The following FAM83H variants were observed in gnomAD, a reference collection of about 807,000 sequenced individuals.
FAM83H encodes the protein protein FAM83H.
FAM83H carries 24 observed loss-of-function variants against 30.2 expected under a neutral mutation model. That is an observed-to-expected ratio of 0.79 (90% CI 0.57 to 1.12). The LOEUF is 1.12. Ranked by LOEUF, FAM83H falls within the 50% of genes most tolerant of loss-of-function variation. FAM83H has a pLI of 0.00. For missense variants in FAM83H, 2,038 were observed against 1,773.9 expected, an observed-to-expected ratio of 1.15 and a Z score of -2.67; for synonymous variants, 1,013 against 821.7, an observed-to-expected ratio of 1.23 and a Z score of -3.98.
At position 143,726,547 on chromosome 8, in the gene FAM83H, G is replaced by T; in HGVS notation, c.2914C>A (p.Leu972Met). 1.2e-6 allele frequency: 2 copies of T among 1,604,114 alleles called. No individual in the cohort carries two copies. Among genetic ancestry groups the T allele is most frequent in the East Asian group, 2.2e-5 (1 of 44,844 alleles). ...LRKGSLRLRQ[L>M]LSPKGERRME... is the part of the protein sequence containing the mutation. ...CGCCGCTCGCCCTTGGGGCTCAGCA[G>T]CTGCCTAAGACGCAAGGAGCCTTTG... Residue 972 changes from leucine (L) to methionine (M), a missense_variant, in exon 5 of 5, where the codon CTG becomes ATG. Physicochemically the swap from Leu to Met is conservative, Grantham distance 15. Transcript: ENST00000388913.
chr8:143,725,156 C>CGGGGGGGGGGGGGGGGGGGGGAG lies in FAM83H; in HGVS notation c.*764_*765insCTCCCCCCCCCCCCCCCCCCCCC, dbSNP rs549881150. 5 of 37,566 alleles carry CGGGGGGGGGGGGGGGGGGGGGAG rather than the reference C, an allele frequency of 1.3e-4. No homozygotes were observed. The highest frequency in any genetic ancestry group is 2.4e-4 in the Admixed American group (1 of 4,224). 2.3% of individuals were successfully genotyped at this position (37,566 alleles called of 1,614,324 possible). On this transcript the variant is annotated 3_prime_UTR_variant, in exon 5 of 5. Transcript: ENST00000388913. Reference sequence around the variant, plus strand: ...AAGCCCAGGCGGGGGAGGGGGGAGACGGGGGGGGGGGGGGGGGAGGGAAGG... The same window carrying CGGGGGGGGGGGGGGGGGGGGGAG: ...AAGCCCAGGCGGGGGAGGGGGGAGACGGGGGGGGGGGGGGGGGGGGGAGGGGGGGGGGGGGGGGGGAGGGAAGG...
In FAM83H at chr8:143,726,119, C is replaced by A; in HGVS notation, c.3342G>T (p.Glu1114Asp). The A allele has an allele frequency of 1.2e-6, 2 of 1,611,494 alleles. No homozygotes were observed. The change falls in exon 5 of 5, where the codon GAG becomes GAT. Residue 1114 changes from glutamate (E) to aspartate (D), a missense_variant. Coordinates refer to ENST00000388913, the MANE Select transcript of FAM83H (RefSeq NM_198488.5). ...TGCGGCGCAGCAGCCGATCGCGCTCCTCCGCGCTGGCTGGCAGCGTGCGGC... is the reference window on the plus strand; with the variant it reads ...TGCGGCGCAGCAGCCGATCGCGCTCATCCGCGCTGGCTGGCAGCGTGCGGC... ...RLSRTLPASAEERDRLLRRME... is the reference protein window; with the variant it reads ...RLSRTLPASADERDRLLRRME...
At chr8:143,729,990 C>A in intron 2 of FAM83H, 146 bp downstream of exon 2, 1 of 729,112 alleles carries the variant, frequency 1.4e-6, no homozygotes, top group Non-Finnish European at 2.2e-6. Context: ...CGAGACCTGG[C>A]AGCCCTGAAG....
In FAM83H at chr8:143,728,637, C is replaced by T; in HGVS notation, c.824G>A (p.Arg275His). Residue 275 changes from arginine (R) to histidine (H), a missense_variant, in exon 5 of 5, where the codon CGC becomes CAC. Arg to His is a conservative substitution (Grantham distance 29, BLOSUM62 0). Coordinates refer to ENST00000388913, the MANE Select transcript of FAM83H (RefSeq NM_198488.5). Reference protein sequence around the residue: ...ELVSSFDEEFRILFAQSEPLV... With the variant: ...ELVSSFDEEFHILFAQSEPLV... ...CGGCTCGGACTGCGCGAAGAGGATG[C>T]GGAACTCCTCGTCGAAGCTGGAGAC... 1.2e-6 allele frequency: 2 copies of T among 1,608,070 alleles called. No individual in the cohort carries two copies. Among genetic ancestry groups the T allele is most frequent in the Non-Finnish European group, 8.5e-7 (1 of 1,179,854 alleles).
In FAM83H at chr8:143,730,601, G is replaced by T; in HGVS notation, c.-15-4C>A. The T allele has an allele frequency of 6.6e-7, 1 of 1,518,070 alleles. No individual in the cohort carries two copies. Among genetic ancestry groups the T allele is most frequent in the South Asian group, 1.3e-5 (1 of 78,048 alleles). The allele number at this position is 1,518,070 out of a possible 1,614,324, so 94.0% of individuals were successfully genotyped here. A position where few individuals can be genotyped will look rare whatever the true frequency, so the allele number is the denominator to read the frequency against. On this transcript the variant is annotated splice_region_variant and splice_polypyrimidine_tract_variant and intron_variant, in intron 1 of 4. Coordinates refer to ENST00000388913, the MANE Select transcript of FAM83H (RefSeq NM_198488.5). The stretch of plus-strand genomic sequence containing the variant: ...GGGCCATGTTGGGGCCAGGGGCCTG[G>T]AGGGGCAGGGAGACACATGACTAGG...
At position 143,726,976 on chromosome 8, in the gene FAM83H, C is replaced by T. The variant is rs1241981894; in HGVS notation, c.2485G>A (p.Asp829Asn). 1.1e-5 allele frequency: 17 copies of T among 1,601,626 alleles called. No homozygotes were observed. The East Asian group carries it at 3.4e-4, about 32-fold the overall frequency. ...GAGAGGAAGCGGGAAGGCAGGCGGTCGGAGCCGCTCCGGCCCAGTGTGTCG... is the reference window on the plus strand; with the variant it reads ...GAGAGGAAGCGGGAAGGCAGGCGGTTGGAGCCGCTCCGGCCCAGTGTGTCG... ...LLDTLGRSGS[D>N]RLPSRFLSAQ... The change falls in exon 5 of 5, where the codon GAC (aspartate) becomes AAC (asparagine). Residue 829 changes from aspartate to asparagine, a missense_variant. By Grantham distance (23) the Asp-to-Asn change is conservative. Transcript: ENST00000388913.
chr8:143,724,172 T>C lies in FAM83H; in HGVS notation c.*1749A>G, dbSNP rs1344252219. On this transcript the variant is annotated 3_prime_UTR_variant, in exon 5 of 5. Coordinates refer to ENST00000388913, the MANE Select transcript of FAM83H (RefSeq NM_198488.5). ...AGGCGCATCCCGCTTCCAGGCACCT[T>C]TCCCACCTGGCCAGAAGTCCCTGCT... The C allele has an allele frequency of 6.6e-6, 1 of 152,194 alleles. No individual in the cohort carries two copies. Among genetic ancestry groups the C allele is most frequent in the African/African-American group, 2.4e-5 (1 of 41,442 alleles). The allele number at this position is 152,194 out of a possible 1,614,324, so 9.4% of individuals were successfully genotyped here.
chr8:143,725,870 G>T lies in FAM83H; in HGVS notation c.*51C>A. On this transcript the variant is annotated 3_prime_UTR_variant, in exon 5 of 5. Coordinates refer to ENST00000388913, the MANE Select transcript of FAM83H (RefSeq NM_198488.5). Reference sequence around the variant, plus strand: ...TCTCTGTTCCGCGGGGCTTCTGGATGACCGGGGCAGCGATGCGGGCACCCT... The same window carrying T: ...TCTCTGTTCCGCGGGGCTTCTGGATTACCGGGGCAGCGATGCGGGCACCCT... The T allele has an allele frequency of 6.3e-7, 1 of 1,598,870 alleles. No homozygotes were observed. Among genetic ancestry groups the T allele is most frequent in the Non-Finnish European group, 8.5e-7 (1 of 1,172,384 alleles).
At position 143,728,351 on chromosome 8, in the gene FAM83H, G is replaced by A. The variant is rs1818387479; in HGVS notation, c.1110C>T (p.His370=). 3 of 1,532,332 alleles carry A rather than the reference G, an allele frequency of 2.0e-6. No homozygotes were observed. The highest frequency in any genetic ancestry group is 2.6e-6 in the Non-Finnish European group (3 of 1,138,304). The allele number at this position is 1,532,332 out of a possible 1,614,324, so 94.9% of individuals were successfully genotyped here. Residue 370 remains histidine (H), a synonymous_variant, in exon 5 of 5, where the codon CAC becomes CAT. Transcript: ENST00000388913. ...GCCGCGAGAGCGGCCGCAGCCCCGC[G>A]TGCGGTTCCAGCGCGCCCCCCGGCA... ...PRMPGGALEP[H]AGLRPLSRRL... is the part of the protein sequence containing the mutation.
chr8:143,728,941 G>A, intron 4 of FAM83H, 26 bp downstream of exon 4: 1 of 1,613,174 alleles, frequency 6.2e-7, no homozygotes, highest in Non-Finnish European at 8.5e-7. Context: ...CCCAGAGAAG[G>A]GGGTGAGGGA....
At position 143,728,249 on chromosome 8, in the gene FAM83H, C is replaced by A; in HGVS notation, c.1212G>T (p.Met404Ile). The change falls in exon 5 of 5, where the codon ATG becomes ATT. Residue 404 changes from methionine (M) to isoleucine (I), a missense_variant. Coordinates refer to ENST00000388913, the MANE Select transcript of FAM83H (RefSeq NM_198488.5). ...RGFFQARHLE[M>I]DAFKRHSFAT... Reference sequence around the variant, plus strand: ...CGAAGCTGTGCCGCTTGAAGGCGTCCATCTCCAGGTGCCGCGCCTGGAAGA... The same window carrying A: ...CGAAGCTGTGCCGCTTGAAGGCGTCAATCTCCAGGTGCCGCGCCTGGAAGA... 1 of 1,568,674 alleles carries A rather than the reference C, an allele frequency of 6.4e-7. No individual in the cohort carries two copies.
rs1818378026 is a variant in FAM83H at position 143,728,151 on chromosome 8, T to C, written c.1310A>G (p.His437Arg). The change falls in exon 5 of 5, where the codon CAC becomes CGC. Residue 437 changes from histidine to arginine, a missense_variant. Transcript: ENST00000388913. ...RQVSRQTFLSHGDDFRFQTSH... is the reference protein window; with the variant it reads ...RQVSRQTFLSRGDDFRFQTSH... ...GGTCTGGAAGCGGAAGTCGTCGCCG[T>C]GGCTGAGGAACGTCTGCCGCGACAC... is the stretch of plus-strand genomic sequence containing the variant. 6.2e-7 allele frequency: 1 copy of C among 1,608,836 alleles called. No individual in the cohort carries two copies.
chr8:143,728,418 C>T lies in FAM83H; in HGVS notation c.1043G>A (p.Arg348His), dbSNP rs1350463425. ...LGFPSFLDPD[R>H]HFLSAFRREE... ...CCGGCGGAAGGCCGACAGGAAGTGG[C>T]GGTCCGGGTCGAGGAAGGAGGGGAA... The change falls in exon 5 of 5, where the codon CGC becomes CAC. Residue 348 changes from arginine to histidine, a missense_variant. Arg to His is a conservative substitution (Grantham distance 29, BLOSUM62 0). Coordinates refer to ENST00000388913, the MANE Select transcript of FAM83H (RefSeq NM_198488.5). 1.1e-5 allele frequency: 17 copies of T among 1,548,012 alleles called. No homozygotes were observed. Among genetic ancestry groups the T allele is most frequent in the Admixed American group, 3.9e-5 (2 of 50,920 alleles).
rs1818311214 is a variant in FAM83H at position 143,726,761 on chromosome 8, C to T, written c.2700G>A (p.Gln900=). ...GGTAGGCTGAGGTGGGGCTCCCCTT[C>T]TGCTCGATAAATCCTGTAGTTGGAC... ...RGSPTTGFIE[Q]KGSPTSAYPE... Residue 900 remains glutamine (Q), a synonymous_variant, in exon 5 of 5, where the codon CAG becomes CAA. Transcript: ENST00000388913. The T allele has an allele frequency of 1.2e-6, 2 of 1,611,816 alleles. No homozygotes were observed. The highest frequency in any genetic ancestry group is 1.7e-6 in the Non-Finnish European group (2 of 1,179,428).
chr8:143,732,602 C>A, intron 1 of FAM83H: 1 of 985,366 alleles, frequency 1.0e-6, no homozygotes, highest in Non-Finnish European at 1.2e-6. Context: ...AGTGGAAGCC[C>A]CCGTGGCCAG....
chr8:143,729,349 G>A, intron 2 of FAM83H, 26 bp from the exon 3 acceptor site: 1 of 1,611,916 alleles, frequency 6.2e-7, no homozygotes. Context: ...AGGACGGAGA[G>A]GAGAGGCCCC....
In FAM83H at chr8:143,726,764, C is replaced by T. The variant is rs1554622054; in HGVS notation, c.2697G>A (p.Glu899=). ...RRGSPTTGFI[E]QKGSPTSAYP... ...AGGCTGAGGTGGGGCTCCCCTTCTG[C>T]TCGATAAATCCTGTAGTTGGACTTC... The change falls in exon 5 of 5, where the codon GAG becomes GAA. Residue 899 remains glutamate (E), a synonymous_variant. Coordinates refer to ENST00000388913, the MANE Select transcript of FAM83H (RefSeq NM_198488.5). 4 of 1,612,070 alleles carry T rather than the reference C, an allele frequency of 2.5e-6. No homozygotes were observed. The highest frequency in any genetic ancestry group is 1.7e-5 in the Admixed American group (1 of 59,952).
rs782116903 is a variant in FAM83H, at chr8:143,730,573, G to A, written c.10C>T (p.Arg4Cys). Residue 4 changes from arginine to cysteine, a missense_variant, in exon 2 of 5, where the codon CGC (arginine) becomes TGC (cysteine). Coordinates refer to ENST00000388913, the MANE Select transcript of FAM83H (RefSeq NM_198488.5). MARRSQSSSQGDNP... is the reference protein window; with the variant it reads MARCSQSSSQGDNP... ...TCCCCCTGCGAGGAGCTCTGAGAGC[G>A]ACGGGCCATGTTGGGGCCAGGGGCC... is the stretch of plus-strand genomic sequence containing the variant. The A allele has an allele frequency of 1.4e-5, 21 of 1,549,264 alleles. No individual in the cohort carries two copies. Among genetic ancestry groups the A allele is most frequent in the Admixed American group, 7.2e-5 (4 of 55,270 alleles).
intron 1 of FAM83H, chr8:143,732,059 C>T (rs782247505): frequency 5.1e-6 from 5 of 985,328 alleles, no homozygotes; most frequent in Admixed American, 1.2e-4. Context: ...CCCAGAGGAG[C>T]GTGCCCCTGG....
Sources: gnomAD v4.1 joint callset for allele counts on GRCh38, gnomAD v4.1.1 for gene constraint, MANE v1.5 for transcripts, NCBI Gene and HGNC (gene_info 2026-07-23, HGNC 2026-07-21) for gene names.